The following CDH13 variants were observed in gnomAD, a reference collection of about 807,000 sequenced individuals.
CDH13 encodes the protein cadherin-13.
Under a neutral mutation model 63.8 loss-of-function variants are expected in CDH13, and 24 were observed. That is an observed-to-expected ratio of 0.38 (90% confidence interval 0.27 to 0.53). The LOEUF (loss-of-function observed/expected upper bound fraction) is 0.53, where lower values mean the gene tolerates loss of function less well. CDH13 is among the 20% of genes least tolerant of loss of function. CDH13 has a pLI of 0.85. For synonymous variants in CDH13, 503 were observed against 355.3 expected (o/e 1.42, Z -4.67); for missense variants, 1,049 against 903.1 (o/e 1.16, Z -2.07).
intron 2 of CDH13, among the ~76,000 whole-genome samples, chr16:82,889,394 T>C (rs1295610083): frequency 6.6e-6 from 1 of 152,098 alleles, no homozygotes; most frequent in East Asian, 1.9e-4. Context: ...TTTTCTTGCT[T>C]CACAAATGAC....
intron 6 of CDH13, among the ~76,000 whole-genome samples, chr16:83,366,520 T>C (rs79901975): frequency 0.09 from 13,768 of 152,246 alleles, 852 homozygotes; most frequent in Non-Finnish European, 0.14. Flanking sequence ...CATAAGATGC[T>C]GGGATTTGAA....
At chr16:83,578,711 A>G (rs888854053) in intron 7 of CDH13, among the ~76,000 whole-genome samples, 5 of 152,204 alleles carry the variant, frequency 3.3e-5, no homozygotes, top group Admixed American at 2.6e-4. Flanking sequence ...TCCAACTTCA[A>G]ACACCTTACA....
chr16:82,829,719 G>T (rs1262987625), intron 1 of CDH13: 1 of 152,058 alleles, frequency 6.6e-6, no homozygotes, highest in African/African-American at 2.4e-5. Flanking sequence ...TTGCTTACTA[G>T]ATATTACATG....
At chr16:82,917,848 G>T (rs2042036560) in intron 2 of CDH13, among the ~76,000 whole-genome samples, 1 of 149,460 alleles carries the variant, frequency 6.7e-6, no homozygotes, top group Non-Finnish European at 1.5e-5. Flanking sequence ...CCAGGACGCA[G>T]AGGTTGCAGT....
At chr16:83,124,097 G>A (rs1325837677) in intron 3 of CDH13, among the ~76,000 whole-genome samples, 1 of 152,156 alleles carries the variant, frequency 6.6e-6, no homozygotes, top group Non-Finnish European at 1.5e-5. Flanking sequence ...CCAGGATGGA[G>A]TTCAGTGGTG....
At chr16:82,958,443 G>A (rs1302686468) in intron 2 of CDH13, among the ~76,000 whole-genome samples, 1 of 152,216 alleles carries the variant, frequency 6.6e-6, no homozygotes, top group Admixed American at 6.5e-5. Flanking sequence ...ATGGTCCAGT[G>A]TCAGGGAGAT....
At chr16:83,506,059 C>A (rs1249397588) in intron 7 of CDH13, among the ~76,000 whole-genome samples, 1 of 152,128 alleles carries the variant, frequency 6.6e-6, no homozygotes, top group African/African-American at 2.4e-5. Flanking sequence ...CAGTGTAAGA[C>A]CAAAGAGGCT....
At chr16:82,730,379 G>A (rs1455686965) in intron 1 of CDH13, among the ~76,000 whole-genome samples, 1 of 152,142 alleles carries the variant, frequency 6.6e-6, no homozygotes, top group Non-Finnish European at 1.5e-5. Context: ...TCATTATTAT[G>A]TGTCTCAGGT....
chr16:82,651,864 G>T (rs1461326823), intron 1 of CDH13, among the ~76,000 whole-genome samples: 1 of 152,166 alleles, frequency 6.6e-6, no homozygotes, highest in East Asian at 1.9e-4. Context: ...GATTTAGGAC[G>T]GGCTATTGAC....
At chr16:83,024,157 C>A (rs143111048) in intron 2 of CDH13, among the ~76,000 whole-genome samples, 1 of 152,074 alleles carries the variant, frequency 6.6e-6, no homozygotes, top group Non-Finnish European at 1.5e-5. Flanking sequence ...GTAGTACCAG[C>A]CAGCATTTCC....
chr16:82,782,740 A>T (rs2151117761), intron 1 of CDH13, among the ~76,000 whole-genome samples: 1 of 152,294 alleles, frequency 6.6e-6, no homozygotes, highest in South Asian at 2.1e-4. Flanking sequence ...ACGACCAAGC[A>T]CATGCTGGAA....
rs373022626 is a variant in CDH13 at position 83,570,758 on chromosome 16, T to C, written c.961-31696T>C. On this transcript the variant is annotated intron_variant, in intron 7 of 13. Coordinates refer to ENST00000567109, the MANE Select transcript of CDH13 (RefSeq NM_001257.5). ...TTCTATATATTTTATAAAAATTATATATTTATATATATGAATAAAATATAT... is the reference window on the plus strand; with the variant it reads ...TTCTATATATTTTATAAAAATTATACATTTATATATATGAATAAAATATAT... Among the ~76,000 whole-genome samples, 3 of 143,716 alleles carry C rather than the reference T, an allele frequency of 2.1e-5. No individual in the cohort carries two copies. The South Asian group carries it at 6.3e-4, about 30-fold the overall frequency. 94.3% of individuals were successfully genotyped at this position (143,716 alleles called of 152,430 possible). A position where few individuals can be genotyped will look rare whatever the true frequency, so the allele number is the denominator to read the frequency against.
At chr16:82,957,495 C>G (rs971767621) in intron 2 of CDH13, among the ~76,000 whole-genome samples, 1 of 152,114 alleles carries the variant, frequency 6.6e-6, no homozygotes. Context: ...ATAGCATGCC[C>G]TCTTTACAAA....
chr16:83,582,139 A>C (rs138792099), intron 7 of CDH13, among the ~76,000 whole-genome samples: 1 of 152,224 alleles, frequency 6.6e-6, no homozygotes, highest in African/African-American at 2.4e-5. Context: ...GAAAAAGAGT[A>C]GCAGGGTCCC....
intron 6 of CDH13, among the ~76,000 whole-genome samples, chr16:83,353,374 G>C (rs1235866451): frequency 1.3e-5 from 2 of 151,622 alleles, no homozygotes; most frequent in Non-Finnish European, 2.9e-5. Flanking sequence ...CCCCCACCCT[G>C]ATGGGCACCA....
At chr16:83,121,453 G>A (rs1313925906) in intron 3 of CDH13, among the ~76,000 whole-genome samples, 1 of 152,204 alleles carries the variant, frequency 6.6e-6, no homozygotes, top group East Asian at 1.9e-4. Flanking sequence ...ATTTGAGGGG[G>A]CTCATGCCAA....
chr16:82,732,618 G>C (rs1304432469), intron 1 of CDH13, among the ~76,000 whole-genome samples: 2 of 152,226 alleles, frequency 1.3e-5, no homozygotes, highest in African/African-American at 4.8e-5. Flanking sequence ...TGAGTGGCCA[G>C]TTGCTACCAG....
chr16:82,922,122 T>C (rs570040925), intron 2 of CDH13, among the ~76,000 whole-genome samples: 270 of 152,336 alleles, frequency 1.8e-3, no homozygotes, highest in African/African-American at 6.2e-3. Flanking sequence ...CCCTTTGTTA[T>C]TTATTAATTT....
intron 2 of CDH13, among the ~76,000 whole-genome samples, chr16:82,895,408 C>G (rs17674527): frequency 0.26 from 39,935 of 152,042 alleles, 6,244 homozygotes; most frequent in Non-Finnish European, 0.36. Context: ...TTTTCCATTT[C>G]TTTAGTCTAA....
Sources: allele counts gnomAD v4.1 joint callset (sites outside exome capture counted in the v4.1 genomes callset), GRCh38; gene constraint gnomAD v4.1.1; transcripts MANE v1.5; gene names NCBI Gene and HGNC (gene_info 2026-07-23, HGNC 2026-07-21).